PNPLA1: variants seen among roughly 807,000 people sequenced by gnomAD.
The protein encoded by PNPLA1 is patatin like domain 1, omega-hydroxyceramide transacylase, also known as omega-hydroxyceramide transacylase.
A neutral mutation model predicts 51.7 loss-of-function variants in PNPLA1; 36 were observed. That is an observed-to-expected ratio of 0.70 (90% CI 0.53 to 0.92). PNPLA1 has a LOEUF of 0.92. Ranked by LOEUF, PNPLA1 falls within the 40% of genes least tolerant of loss-of-function variation. The pLI is 0.00. For synonymous variants in PNPLA1, 293 were observed against 280.1 expected (o/e 1.05, Z -0.46); for missense variants, 658 against 682.5 (o/e 0.96, Z 0.40).
At chr6:36,307,494 C>T (rs1381484676) in intron 7 of PNPLA1, 93 bp from the exon 8 acceptor site, 26 of 1,459,868 alleles carry the variant, frequency 1.8e-5, no homozygotes, top group Non-Finnish European at 2.2e-5. Flanking sequence ...AACCACAGCG[C>T]GGGTGTGTCC....
chr6:36,270,549 G>C lies in PNPLA1; in HGVS notation c.90G>C (p.Gly30=). ...GSGFLSFYQA[G]AVDALRDLAP... ...GATTCCTCTCCTTCTACCAGGCGGGGGCTGTGGACGCCCTGCGGGACCTGG... is the reference window on the plus strand; with the variant it reads ...GATTCCTCTCCTTCTACCAGGCGGGCGCTGTGGACGCCCTGCGGGACCTGG... The change falls in exon 1 of 9, where the codon GGG becomes GGC. Residue 30 remains glycine, a synonymous_variant. Coordinates refer to ENST00000636260, the MANE Select transcript of PNPLA1 (RefSeq NM_001374623.1). 6.4e-7 allele frequency: 1 copy of C among 1,551,640 alleles called. No individual in the cohort carries two copies. Among genetic ancestry groups the C allele is most frequent in the East Asian group, 2.4e-5 (1 of 40,920 alleles).
At chr6:36,282,883 C>T (rs1582065433) in intron 1 of PNPLA1, among the ~76,000 whole-genome samples, 2 of 152,178 alleles carry the variant, frequency 1.3e-5, no homozygotes, top group East Asian at 3.9e-4. Context: ...TGGGGTTTCA[C>T]CATCTTGGCC....
chr6:36,254,363 C>G (rs9348993), intron 1 of PNPLA1, among the ~76,000 whole-genome samples: 24,959 of 151,866 alleles, frequency 0.16, 2,545 homozygotes, highest in East Asian at 0.45. Flanking sequence ...TTGCCTGAAC[C>G]CAGGAGCTTG....
At chr6:36,269,427 G>C (rs138946330), upstream of PNPLA1, among the ~76,000 whole-genome samples, 2 of 152,136 alleles carry the variant, frequency 1.3e-5, no homozygotes, top group Non-Finnish European at 2.9e-5. Context: ...TTACCAAAAC[G>C]TCTCTCTGCC....
intron 1 of PNPLA1, among the ~76,000 whole-genome samples, chr6:36,250,161 A>T (rs988475334): frequency 1.3e-5 from 2 of 152,128 alleles, no homozygotes. Context: ...TTGTTCTGCC[A>T]TGTGATCATG....
intron 1 of PNPLA1, among the ~76,000 whole-genome samples, chr6:36,273,203 A>G (rs930266083): frequency 4.2e-4 from 64 of 151,920 alleles, no homozygotes; most frequent in Admixed American, 7.9e-4. Context: ...TCGCGCTACT[A>G]CACTCCAGCC....
rs946123722 is a variant in PNPLA1, at chr6:36,264,024, G to A, written c.-81+20763G>A. Among the ~76,000 whole-genome samples the A allele has an allele frequency of 3.3e-5, 5 of 152,150 alleles. No homozygotes were observed. The East Asian group carries it at 9.7e-4, about 29-fold the overall frequency. On this transcript the variant is annotated intron_variant, in intron 1 of 7. Coordinates refer to the PNPLA1 transcript ENST00000312917. ...AGGCTCTGGGCTGTGCTCTCCTTTC[G>A]TCCCTTCTGCCCCATGACCGAACCT...
chr6:36,306,462 G>A, intron 7 of PNPLA1, 86 bp downstream of exon 7: 1 of 1,205,852 alleles, frequency 8.3e-7, no homozygotes, highest in Non-Finnish European at 1.2e-6. Context: ...CACCTTAGCT[G>A]CCCCAGGAAC....
chr6:36,300,178 T>TGTGAGAGAGAGAGAGAGAGAGAGAGA, intron 5 of PNPLA1, among the ~76,000 whole-genome samples: 2 of 98,088 alleles, frequency 2.0e-5, no homozygotes, highest in Non-Finnish European at 4.5e-5. Context: ...TGTGTGTGTG[T>TGTGAGAGAGAGAGAGAGAGAGAGAGA]GAGAGAGAGA....
intron 1 of PNPLA1, among the ~76,000 whole-genome samples, chr6:36,254,670 A>T (rs1769493060): frequency 6.6e-6 from 1 of 151,982 alleles, no homozygotes; most frequent in African/African-American, 2.4e-5. Flanking sequence ...TGCTGTAGGG[A>T]TGGACCTGGC....
intron 1 of PNPLA1, among the ~76,000 whole-genome samples, chr6:36,281,035 C>T (rs1459878285): frequency 3.3e-5 from 5 of 152,206 alleles, no homozygotes; most frequent in South Asian, 2.1e-4. Context: ...TCAATCAATC[C>T]GCCTGCCTCC....
intron 1 of PNPLA1, among the ~76,000 whole-genome samples, chr6:36,281,467 T>C (rs752179796): frequency 2.0e-5 from 3 of 152,226 alleles, no homozygotes; most frequent in Non-Finnish European, 2.9e-5. Context: ...GTGCTTCATA[T>C]GCATCATTTA....
intron 1 of PNPLA1, among the ~76,000 whole-genome samples, chr6:36,286,607 C>T (rs1770496036): frequency 6.6e-6 from 1 of 151,928 alleles, no homozygotes; most frequent in South Asian, 2.1e-4. Flanking sequence ...AAAAGAAAGA[C>T]TCTCTGAGTG....
rs1316401060 is a variant in PNPLA1, at chr6:36,303,105, T to G, written c.1384+636T>G. 4.0e-5 allele frequency among the ~76,000 whole-genome samples: 6 copies of G among 149,558 alleles called. No individual in the cohort carries two copies. In the East Asian group the frequency reaches 7.8e-4, roughly 19 times the overall value. On this transcript the variant is annotated intron_variant, in intron 6 of 8. Transcript: ENST00000636260. ...GTTTGTTATAGACTACAAAGAAATT[T>G]TTTTTTTTAGATGGAATCTCGCTCT...
intron 5 of PNPLA1, among the ~76,000 whole-genome samples, chr6:36,301,235 C>T (rs1182325916): frequency 6.6e-6 from 1 of 151,858 alleles, no homozygotes; most frequent in Admixed American, 6.6e-5. Context: ...ACCCTTTCAC[C>T]TTTCTCAATG....
At chr6:36,251,460 A>G (rs975747408) in intron 1 of PNPLA1, among the ~76,000 whole-genome samples, 8 of 152,216 alleles carry the variant, frequency 5.3e-5, no homozygotes, top group African/African-American at 1.9e-4. Flanking sequence ...AGGTGTAGCT[A>G]TGTGACTTGC....
intron 1 of PNPLA1, among the ~76,000 whole-genome samples, chr6:36,255,215 A>G (rs76208236): frequency 6.6e-6 from 1 of 151,904 alleles, no homozygotes; most frequent in Non-Finnish European, 1.5e-5. Context: ...AAAAAAAAAT[A>G]CAAAATTGGC....
chr6:36,300,342 A>C (rs12209156), intron 5 of PNPLA1, among the ~76,000 whole-genome samples: 72,223 of 151,120 alleles, frequency 0.48, 18,945 homozygotes, highest in Non-Finnish European at 0.57. Flanking sequence ...CTACAGGTGC[A>C]TGCCACTACC....
chr6:36,298,958 C>T (rs1343193685), intron 5 of PNPLA1, among the ~76,000 whole-genome samples: 1 of 152,172 alleles, frequency 6.6e-6, no homozygotes, highest in African/African-American at 2.4e-5. Flanking sequence ...AGGATGGTCT[C>T]GATCTCCTCA....
Sources: allele counts gnomAD v4.1 joint callset (sites outside exome capture counted in the v4.1 genomes callset), GRCh38; gene constraint gnomAD v4.1.1; transcripts MANE v1.5; gene names NCBI Gene and HGNC (gene_info 2026-07-23, HGNC 2026-07-21).